Variants in SORCS3 observed in about 807,000 individuals in gnomAD.
The protein encoded by SORCS3 is VPS10 domain-containing receptor SorCS3.
Under a neutral mutation model 146.3 loss-of-function variants are expected in SORCS3, and 57 were observed. That is an observed-to-expected ratio of 0.39 (90% CI 0.31 to 0.49). SORCS3 has a LOEUF of 0.49. SORCS3 is among the 20% of genes least tolerant of loss of function. The probability of loss-of-function intolerance (pLI) is 0.92; values close to 1 mark genes in which losing one functional copy is unlikely to be tolerated. For missense variants in SORCS3, 1,341 were observed against 1,575.5 expected, an observed-to-expected ratio of 0.85 and a Z score of 2.52; for synonymous variants, 653 against 618.5, an observed-to-expected ratio of 1.06 and a Z score of -0.83.
chr10:104,986,701 G>A (rs551857919), intron 4 of SORCS3, among the ~76,000 whole-genome samples: 1 of 152,168 alleles, frequency 6.6e-6, no homozygotes, highest in African/African-American at 2.4e-5. Flanking sequence ...ATGTCTTAGG[G>A]AATAGGGGTG....
intron 2 of SORCS3, among the ~76,000 whole-genome samples, chr10:104,872,269 C>T (rs1156234431): frequency 6.6e-6 from 1 of 152,136 alleles, no homozygotes; most frequent in Non-Finnish European, 1.5e-5. Flanking sequence ...GACTGAACTC[C>T]AGCAGTGACT....
intron 2 of SORCS3, among the ~76,000 whole-genome samples, chr10:104,846,848 A>G (rs1446200270): frequency 6.6e-6 from 1 of 152,198 alleles, no homozygotes; most frequent in East Asian, 1.9e-4. Flanking sequence ...TGACTTGTTT[A>G]AAGGAACCAG....
intron 1 of SORCS3, among the ~76,000 whole-genome samples, chr10:104,794,614 A>G (rs1035148908): frequency 1.2e-4 from 11 of 88,612 alleles, no homozygotes; most frequent in Non-Finnish European, 2.2e-4. Context: ...TGAGAGAGAG[A>G]GAGGGAGGGA....
chr10:104,789,922 A>G (rs2017477213), intron 1 of SORCS3, among the ~76,000 whole-genome samples: 1 of 152,152 alleles, frequency 6.6e-6, no homozygotes. Flanking sequence ...TTGTTGGATA[A>G]TTCAGGACTT....
In SORCS3 at chr10:104,745,872, T is replaced by C. The variant is rs567696775; in HGVS notation, c.628-96920T>C. 5.9e-5 allele frequency among the ~76,000 whole-genome samples: 9 copies of C among 152,306 alleles called. No homozygotes were observed. In the East Asian group the frequency reaches 1.4e-3, roughly 23 times the overall value. On this transcript the variant is annotated intron_variant, in intron 1 of 26. Coordinates refer to ENST00000369701, the MANE Select transcript of SORCS3 (RefSeq NM_014978.3). ...CTGGCTTATTTCACTCAGCATAATG[T>C]CCTCCAGGTTCTTGTATGTTGTCAC...
chr10:104,769,776 A>G (rs1346011003), intron 1 of SORCS3, among the ~76,000 whole-genome samples: 1 of 152,070 alleles, frequency 6.6e-6, no homozygotes, highest in Non-Finnish European at 1.5e-5. Flanking sequence ...TGTGTGTGCG[A>G]CCTTGAATAG....
chr10:105,073,990 T>C (rs1249222352), intron 5 of SORCS3, among the ~76,000 whole-genome samples: 1 of 152,194 alleles, frequency 6.6e-6, no homozygotes, highest in Non-Finnish European at 1.5e-5. Flanking sequence ...TTTCCTCTGC[T>C]GCCTGAGGAA....
chr10:104,923,256 C>T lies in SORCS3; in HGVS notation c.795+7324C>T, dbSNP rs59689636. On this transcript the variant is annotated intron_variant, in intron 3 of 26. Coordinates refer to ENST00000369701, the MANE Select transcript of SORCS3 (RefSeq NM_014978.3). ...TGATCCACATTTAATTTCTGTGGCT[C>T]ATTGGATAGCCAGTTGGGAAGTCCT... Among the ~76,000 whole-genome samples the T allele has an allele frequency of 7.0e-4, 107 of 152,302 alleles. 1 individual carries two copies. The highest frequency in any genetic ancestry group is 2.5e-3 in the African/African-American group (104 of 41,560).
intron 2 of SORCS3, among the ~76,000 whole-genome samples, chr10:104,879,875 A>C (rs551408831): frequency 2.0e-5 from 3 of 152,312 alleles, no homozygotes; most frequent in African/African-American, 7.2e-5. Flanking sequence ...CCTGGGTAGA[A>C]TCAATGGGTG....
In SORCS3 at chr10:105,247,208, T is replaced by C. The variant is rs1321024855; in HGVS notation, c.2993-11T>C. 9 of 1,495,644 alleles carry C rather than the reference T, an allele frequency of 6.0e-6. No individual in the cohort carries two copies. Among genetic ancestry groups the C allele is most frequent in the Non-Finnish European group, 8.4e-6 (9 of 1,075,940 alleles). The allele number at this position is 1,495,644 out of a possible 1,614,324, so 92.6% of individuals were successfully genotyped here. On this transcript the variant is annotated splice_polypyrimidine_tract_variant and intron_variant, in intron 21 of 26. Coordinates refer to ENST00000369701, the MANE Select transcript of SORCS3 (RefSeq NM_014978.3). Reference sequence around the variant, plus strand: ...CTCCCAGCCTCACTTAAACATTCTCTCTCCCTGCAGAATATTTCCAGTCCC... The same window carrying C: ...CTCCCAGCCTCACTTAAACATTCTCCCTCCCTGCAGAATATTTCCAGTCCC...
intron 5 of SORCS3, among the ~76,000 whole-genome samples, chr10:105,063,519 A>C (rs2055501584): frequency 6.6e-6 from 1 of 152,220 alleles, no homozygotes; most frequent in South Asian, 2.1e-4. Flanking sequence ...GAATCTTGGA[A>C]AACTCTTTTG....
chr10:105,041,089 T>TTATA (rs1033995075), intron 4 of SORCS3, among the ~76,000 whole-genome samples: 2 of 137,990 alleles, frequency 1.4e-5, no homozygotes, highest in African/African-American at 5.6e-5. Context: ...GTATATATAT[T>TTATA]TATATATATA....
At position 105,254,926 on chromosome 10, in the gene SORCS3, C is replaced by G. The variant is rs1363964387; in HGVS notation, c.3238-776C>G. On this transcript the variant is annotated intron_variant, in intron 23 of 26. Transcript: ENST00000369701. ...ATCTGCGGCCAGGCGCGGTGGCTCA[C>G]GCCTGTAATCCCAGCACTTTGGGAG... is the stretch of plus-strand genomic sequence containing the variant. 2.0e-5 allele frequency among the ~76,000 whole-genome samples: 3 copies of G among 152,124 alleles called. No homozygotes were observed. The South Asian group carries it at 6.2e-4, about 32-fold the overall frequency.
intron 22 of SORCS3, among the ~76,000 whole-genome samples, chr10:105,251,768 C>T (rs933043668): frequency 3.9e-5 from 6 of 152,196 alleles, no homozygotes; most frequent in African/African-American, 1.4e-4. Flanking sequence ...CAGACAGAAG[C>T]TTACTTTTAA....
At chr10:105,237,333 C>G (rs780899695) in intron 20 of SORCS3, among the ~76,000 whole-genome samples, 5 of 152,088 alleles carry the variant, frequency 3.3e-5, no homozygotes, top group Non-Finnish European at 7.4e-5. Context: ...ACAGTAGTAT[C>G]TATGATCAAG....
chr10:105,207,272 T>TTTTTTATTATTA (rs148959945), intron 16 of SORCS3, among the ~76,000 whole-genome samples: 1 of 147,148 alleles, frequency 6.8e-6, no homozygotes, highest in Non-Finnish European at 1.5e-5. Context: ...CATGCAGAGG[T>TTTTTTATTATTA]TTATTATTAT....
At chr10:105,257,339 T>C (rs2056937541) in intron 25 of SORCS3, among the ~76,000 whole-genome samples, 2 of 152,194 alleles carry the variant, frequency 1.3e-5, no homozygotes, top group Non-Finnish European at 2.9e-5. Context: ...CAGACACCGA[T>C]GCATTTTTTT....
At chr10:104,680,741 C>A (rs2015961065) in intron 1 of SORCS3, among the ~76,000 whole-genome samples, 1 of 152,240 alleles carries the variant, frequency 6.6e-6, no homozygotes, top group Non-Finnish European at 1.5e-5. Context: ...TGTGCCGAGG[C>A]CTTGGCCCAT....
chr10:105,109,338 T>G (rs1243025851), intron 7 of SORCS3, among the ~76,000 whole-genome samples: 1 of 152,152 alleles, frequency 6.6e-6, no homozygotes, highest in Non-Finnish European at 1.5e-5. Context: ...TATGACCTCT[T>G]GTCAGATTCC....
Sources: allele counts gnomAD v4.1 joint callset (sites outside exome capture counted in the v4.1 genomes callset), GRCh38; gene constraint gnomAD v4.1.1; transcripts MANE v1.5; gene names NCBI Gene and HGNC (gene_info 2026-07-23, HGNC 2026-07-21).